The following NAP1L4 variants were observed in gnomAD, a reference collection of about 807,000 sequenced individuals.
NAP1L4 encodes the protein nucleosome assembly protein 1 like 4, also known as nucleosome assembly protein 1-like 4.
In NAP1L4, 15 loss-of-function variants were observed where a neutral mutation model predicts 58.2. That is an observed-to-expected ratio of 0.26 (90% CI 0.17 to 0.40). NAP1L4 has a LOEUF of 0.40. Among genes scored for constraint, NAP1L4 ranks in the 10% least tolerant of loss-of-function variants. The pLI is 1.00. For synonymous variants in NAP1L4, 171 were observed against 155.6 expected, an observed-to-expected ratio of 1.10 and a Z score of -0.74; for missense variants, 384 against 451.1, an observed-to-expected ratio of 0.85 and a Z score of 1.35.
At chr11:2,970,527 G>A (rs1191243352) in intron 6 of NAP1L4, among the ~76,000 whole-genome samples, 3 of 152,086 alleles carry the variant, frequency 2.0e-5, no homozygotes, top group Admixed American at 6.6e-5. Context: ...CAGACACCAC[G>A]CAAGCATCAG....
chr11:2,956,020 C>T (rs1258203780), intron 10 of NAP1L4, among the ~76,000 whole-genome samples: 1 of 152,138 alleles, frequency 6.6e-6, no homozygotes, highest in Non-Finnish European at 1.5e-5. Flanking sequence ...GGCTGGCACT[C>T]AAGCTTGAGA....
At position 2,949,367 on chromosome 11, in the gene NAP1L4, G is replaced by T. The variant is rs1846105330; in HGVS notation, c.1123-103C>A. The T allele has an allele frequency of 4.2e-6, 4 of 948,582 alleles. No individual in the cohort carries two copies. Among genetic ancestry groups the T allele is most frequent in the South Asian group, 4.0e-5 (3 of 75,016 alleles). The allele number at this position is 948,582 out of a possible 1,614,324, so 58.8% of individuals were successfully genotyped here. A position where few individuals can be genotyped will look rare whatever the true frequency, so the allele number is the denominator to read the frequency against. ...GCCACAATTTCTCATGATACAAAAG[G>T]GCTGCAAGATACTGAACTCGGGGTG... On this transcript the variant is annotated intron_variant, in intron 14 of 15. Transcript: ENST00000380542. This position sits in a 1 kb window ranked among gnomAD's most constrained non-coding sequence, Gnocchi z 4.0.
intron 1 of NAP1L4, among the ~76,000 whole-genome samples, chr11:2,984,837 C>CAT (rs1157739009): frequency 4.0e-5 from 6 of 151,430 alleles, no homozygotes; most frequent in Admixed American, 6.6e-5. Context: ...AACTGCCATG[C>CAT]ATATAGACTA....
intron 15 of NAP1L4, among the ~76,000 whole-genome samples, chr11:2,945,876 A>G (rs1845914834): frequency 6.6e-6 from 1 of 152,162 alleles, no homozygotes; most frequent in African/African-American, 2.4e-5. Context: ...CAAGCATTCA[A>G]ATTCATGGCA....
intron 15 of NAP1L4, among the ~76,000 whole-genome samples, chr11:2,947,634 C>A (rs1235273777): frequency 1.3e-5 from 2 of 151,604 alleles, no homozygotes; most frequent in Non-Finnish European, 2.9e-5. Context: ...AAAAAAACTA[C>A]ACCTAAACTC....
At position 2,951,947 on chromosome 11, in the gene NAP1L4, C is replaced by T. The variant is rs576130245; in HGVS notation, c.1036-138G>A. 3 of 792,972 alleles carry T rather than the reference C, an allele frequency of 3.8e-6. No homozygotes were observed. In the South Asian group the frequency reaches 4.4e-5, roughly 12 times the overall value. 49.1% of individuals were successfully genotyped at this position (792,972 alleles called of 1,614,324 possible). On this transcript the variant is annotated intron_variant, in intron 12 of 15. Transcript: ENST00000380542. The surrounding 1 kb of genome is among the most constrained non-coding windows in gnomAD (Gnocchi z 4.0). ...CAGCCACGCTGCCTGCTGGGCCTCG[C>T]TTGCCTGAGGAGCCATTTGCTTGTG...
At chr11:2,961,056 C>T (rs1387048011) in intron 8 of NAP1L4, among the ~76,000 whole-genome samples, 1 of 152,090 alleles carries the variant, frequency 6.6e-6, no homozygotes, top group Non-Finnish European at 1.5e-5. Flanking sequence ...TCACTTAGAG[C>T]CGCGTTTATA....
intron 3 of NAP1L4, 88 bp downstream of exon 3, chr11:2,978,196 G>A: frequency 7.8e-7 from 1 of 1,289,152 alleles, no homozygotes; most frequent in Non-Finnish European, 1.1e-6. Flanking sequence ...CTGCAGTACA[G>A]GAATCCTTTA....
chr11:2,968,636 G>C (rs892378688), intron 7 of NAP1L4, among the ~76,000 whole-genome samples: 2 of 152,176 alleles, frequency 1.3e-5, no homozygotes, highest in African/African-American at 2.4e-5. Context: ...ATTAAAAACC[G>C]TAGCTGTAAA....
rs1420071447 is a variant in NAP1L4 at position 2,946,053 on chromosome 11, C to G, written c.*33-407G>C. ...CCGCGGAGGCAACCCCTCTTGGTGC[C>G]AACAGTCCCCACTTCTCAAGGGCAC... On this transcript the variant is annotated intron_variant, in intron 15 of 15. Coordinates refer to ENST00000380542, the MANE Select transcript of NAP1L4 (RefSeq NM_005969.4). This position sits in a 1 kb window ranked among gnomAD's most constrained non-coding sequence, Gnocchi z 4.8. Among the ~76,000 whole-genome samples, 1 of 152,186 alleles carries G rather than the reference C, an allele frequency of 6.6e-6. No individual in the cohort carries two copies. Among genetic ancestry groups the G allele is most frequent in the East Asian group, 1.9e-4 (1 of 5,186 alleles).
chr11:2,977,469 T>C (rs1261267946), intron 3 of NAP1L4, among the ~76,000 whole-genome samples: 12 of 152,206 alleles, frequency 7.9e-5, no homozygotes. Context: ...GAGCATTCTA[T>C]AAGACAACAG....
chr11:2,963,837 T>C (rs1385447645), intron 8 of NAP1L4: 3 of 519,176 alleles, frequency 5.8e-6, no homozygotes, highest in Non-Finnish European at 1.2e-5. Flanking sequence ...GAAATGCTAT[T>C]GCACCGGAAT....
chr11:2,968,985 GTTGT>G (rs1847458809), intron 7 of NAP1L4, among the ~76,000 whole-genome samples: 2 of 110,544 alleles, frequency 1.8e-5, no homozygotes, highest in South Asian at 7.3e-4. Context: ...TTGTTGTTGT[GTTGT>G]TTTTTTTTTT....
rs1047941770 is a variant in NAP1L4, at chr11:2,972,347, C to T, written c.174-104G>A. On this transcript the variant is annotated intron_variant, in intron 4 of 15. Transcript: ENST00000380542. ...ATTTAGGTTAACATGGAATCAACAT[C>T]CTTACTATGAACAAGACCTCTTAAA... 38 of 1,030,300 alleles carry T rather than the reference C, an allele frequency of 3.7e-5. No individual in the cohort carries two copies. The African/African-American group carries it at 6.0e-4, about 16-fold the overall frequency. The allele number at this position is 1,030,300 out of a possible 1,614,324, so 63.8% of individuals were successfully genotyped here.
At chr11:2,977,522 A>C (rs1452825299) in intron 3 of NAP1L4, among the ~76,000 whole-genome samples, 1 of 152,214 alleles carries the variant, frequency 6.6e-6, no homozygotes, top group African/African-American at 2.4e-5. Context: ...TAAAAGATGC[A>C]AAAGGTAGGG....
At chr11:2,957,924 C>T (rs1045917413) in intron 10 of NAP1L4, among the ~76,000 whole-genome samples, 2 of 152,166 alleles carry the variant, frequency 1.3e-5, no homozygotes, top group Non-Finnish European at 2.9e-5. Flanking sequence ...AGCAGCACAA[C>T]TAGAACCAGC....
rs1845954786 is a variant in NAP1L4 at position 2,946,670 on chromosome 11, C to A, written c.*33-1024G>T. 6.6e-6 allele frequency among the ~76,000 whole-genome samples: 1 copy of A among 152,086 alleles called. No homozygotes were observed. The highest frequency in any genetic ancestry group is 2.1e-4 in the South Asian group (1 of 4,826). ...TTTGGAAATCACATTTAAGGGATGG[C>A]CGAAAAAATATGTGTAAAATATGCA... On this transcript the variant is annotated intron_variant, in intron 15 of 15. Transcript: ENST00000380542. This position sits in a 1 kb window ranked among gnomAD's most constrained non-coding sequence, Gnocchi z 4.8.
At chr11:2,980,841 C>T (rs1848257810) in intron 1 of NAP1L4, among the ~76,000 whole-genome samples, 1 of 151,956 alleles carries the variant, frequency 6.6e-6, no homozygotes. Flanking sequence ...ATAAAACGTG[C>T]TATTTTTAAG....
chr11:2,960,973 C>T (rs759452865), intron 8 of NAP1L4, among the ~76,000 whole-genome samples: 1 of 152,152 alleles, frequency 6.6e-6, no homozygotes, highest in Non-Finnish European at 1.5e-5. Flanking sequence ...TGTCTCCGTG[C>T]TTTAGTTTCC....
Sources: allele counts gnomAD v4.1 joint callset (sites outside exome capture counted in the v4.1 genomes callset), GRCh38; gene constraint gnomAD v4.1.1; non-coding constraint Gnocchi (gnomAD v3.1); transcripts MANE v1.5; gene names NCBI Gene and HGNC (gene_info 2026-07-23, HGNC 2026-07-21).